ALDH5A1: variants seen among roughly 807,000 people sequenced by gnomAD.
ALDH5A1 encodes aldehyde dehydrogenase 5 family member A1, also known as succinate-semialdehyde dehydrogenase, mitochondrial.
Under a neutral mutation model 54.7 loss-of-function variants are expected in ALDH5A1, and 33 were observed. The observed-to-expected ratio is 0.60, with a 90% CI of 0.46 to 0.81. The LOEUF is 0.81. Among genes scored for constraint, ALDH5A1 ranks in the 30% least tolerant of loss-of-function variants. ALDH5A1 has a pLI of 0.00. For synonymous variants in ALDH5A1, 294 were observed against 292.7 expected (o/e 1.00, Z -0.05); for missense variants, 657 against 711.0 (o/e 0.92, Z 0.86).
intron 4 of ALDH5A1, among the ~76,000 whole-genome samples, chr6:24,508,128 G>A (rs1172673000): frequency 6.6e-6 from 1 of 151,944 alleles, no homozygotes; most frequent in Non-Finnish European, 1.5e-5. Flanking sequence ...ACTTTGAGAG[G>A]CTGAGGCGGG....
At chr6:24,497,593 T>A (rs935430579) in intron 1 of ALDH5A1, among the ~76,000 whole-genome samples, 1 of 152,196 alleles carries the variant, frequency 6.6e-6, no homozygotes, top group African/African-American at 2.4e-5. Flanking sequence ...AAGTCCCCAC[T>A]CGACCCAGGA....
chr6:24,496,740 C>CTG (rs1764714558), intron 1 of ALDH5A1, among the ~76,000 whole-genome samples: 1 of 152,146 alleles, frequency 6.6e-6, no homozygotes, highest in South Asian at 2.1e-4. Flanking sequence ...GGTCTTTCCT[C>CTG]TGTGTGTATA....
Position 24,527,988 on chromosome 6 carries a change from A to G in ALDH5A1, c.1174-9A>G. 1 of 1,613,804 alleles carries G rather than the reference A, an allele frequency of 6.2e-7. No individual in the cohort carries two copies. The highest frequency in any genetic ancestry group is 8.5e-7 in the Non-Finnish European group (1 of 1,179,836). The stretch of plus-strand genomic sequence containing the variant: ...ATGTGGAAAGCTTTTTTTCTTCCTC[A>G]TTACACAGGTGGAGAAACAGGTGAA... On this transcript the variant is annotated splice_polypyrimidine_tract_variant and intron_variant, in intron 7 of 9. Coordinates refer to ENST00000357578, the MANE Select transcript of ALDH5A1 (RefSeq NM_001080.3).
intron 1 of ALDH5A1, among the ~76,000 whole-genome samples, chr6:24,501,558 A>T (rs2127381771): frequency 6.6e-6 from 1 of 152,034 alleles, no homozygotes; most frequent in East Asian, 1.9e-4. Flanking sequence ...GAGTTAAAAA[A>T]ATAGCTGAGC....
Position 24,534,031 on chromosome 6 carries a change from G to T in ALDH5A1, c.*319G>T, listed in dbSNP as rs949610988. 33 of 342,050 alleles carry T rather than the reference G, an allele frequency of 9.6e-5. No homozygotes were observed. In the Admixed American group the frequency reaches 1.1e-3, roughly 12 times the overall value. 21.2% of individuals were successfully genotyped at this position (342,050 alleles called of 1,614,324 possible). A position where few individuals can be genotyped will look rare whatever the true frequency, so the allele number is the denominator to read the frequency against. ...CAAGGCAGGCCCAGCCCCATGGGCC[G>T]TCACAAAGGCTTGATCACTGCCTGG... On this transcript the variant is annotated 3_prime_UTR_variant, in exon 10 of 10. Coordinates refer to ENST00000357578, the MANE Select transcript of ALDH5A1 (RefSeq NM_001080.3).
chr6:24,514,236 C>A (rs1216282268), intron 4 of ALDH5A1, among the ~76,000 whole-genome samples: 5 of 152,174 alleles, frequency 3.3e-5, no homozygotes, highest in African/African-American at 1.2e-4. Flanking sequence ...TCTTCATCAT[C>A]CCCCTGGGAA....
chr6:24,525,603 G>T (rs1759784379), intron 7 of ALDH5A1, among the ~76,000 whole-genome samples: 1 of 152,028 alleles, frequency 6.6e-6, no homozygotes, highest in Non-Finnish European at 1.5e-5. Flanking sequence ...AGCTACTCAG[G>T]AGGCGGGGGC....
intron 1 of ALDH5A1, among the ~76,000 whole-genome samples, chr6:24,495,931 A>G (rs747179635): frequency 7.9e-5 from 12 of 152,338 alleles, no homozygotes; most frequent in African/African-American, 2.9e-4. Context: ...AAATGCTGCT[A>G]TTGGCCATTG....
intron 5 of ALDH5A1, among the ~76,000 whole-genome samples, chr6:24,516,592 C>T (rs1190900531): frequency 6.6e-6 from 1 of 151,934 alleles, no homozygotes; most frequent in Non-Finnish European, 1.5e-5. Context: ...TAGATATACA[C>T]ATATATGTAT....
intron 1 of ALDH5A1, among the ~76,000 whole-genome samples, chr6:24,500,948 A>G (rs1764808430): frequency 6.6e-6 from 1 of 152,160 alleles, no homozygotes. Flanking sequence ...GTTAGCATGA[A>G]AAGTCTGTAT....
chr6:24,495,462 TC>T, intron 1 of ALDH5A1, 112 bp downstream of exon 1: 1 of 1,043,356 alleles, frequency 9.6e-7, no homozygotes, highest in South Asian at 1.6e-5. Flanking sequence ...TGTGCTCAGT[TC>T]CCCAGGGTAT....
intron 1 of ALDH5A1, 80 bp downstream of exon 1, chr6:24,495,430 A>T: frequency 8.7e-6 from 12 of 1,387,226 alleles, no homozygotes; most frequent in Non-Finnish European, 1.2e-5. Flanking sequence ...CCAAAGTGAC[A>T]CCAGCCGCGT....
chr6:24,518,169 T>G lies in ALDH5A1; in HGVS notation c.871-2232T>G, dbSNP rs552570048. On this transcript the variant is annotated intron_variant, in intron 5 of 9. Transcript: ENST00000357578. The surrounding 1 kb of genome is among the most constrained non-coding windows in gnomAD (Gnocchi z 4.2). ...AGAGAGCTGTTTTGCTTTCTGTTTC[T>G]TTCTCTTTCTTTTGCCTATTAAACT... is the stretch of plus-strand genomic sequence containing the variant. Among the ~76,000 whole-genome samples, 1 of 152,226 alleles carries G rather than the reference T, an allele frequency of 6.6e-6. No homozygotes were observed. The highest frequency in any genetic ancestry group is 1.5e-5 in the Non-Finnish European group (1 of 68,036).
At chr6:24,511,583 G>A (rs747304072) in intron 4 of ALDH5A1, among the ~76,000 whole-genome samples, 13 of 151,966 alleles carry the variant, frequency 8.6e-5, no homozygotes, top group Non-Finnish European at 1.3e-4. Context: ...GAGCTTTGAC[G>A]TTCTTTCTTC....
intron 6 of ALDH5A1, 147 bp from the exon 7 acceptor site, chr6:24,522,620 C>T (rs1393704744): frequency 5.5e-6 from 5 of 906,610 alleles, no homozygotes; most frequent in Non-Finnish European, 8.8e-6. Flanking sequence ...TGGGGCCAAG[C>T]CCACGTGAGG....
intron 5 of ALDH5A1, among the ~76,000 whole-genome samples, chr6:24,516,209 G>C (rs1759567847): frequency 6.6e-6 from 1 of 151,946 alleles, no homozygotes; most frequent in Non-Finnish European, 1.5e-5. Flanking sequence ...GGCCGAGGCA[G>C]GCGGATCACA....
At chr6:24,522,646 T>A in intron 6 of ALDH5A1, 121 bp from the exon 7 acceptor site, 2 of 1,221,900 alleles carry the variant, frequency 1.6e-6, no homozygotes, top group Non-Finnish European at 2.4e-6. Context: ...AATGGCAGTT[T>A]GAGCACATGA....
In ALDH5A1 at chr6:24,522,501, G is replaced by GTGTGTGTGTGTGTA. The variant is rs1554137632; in HGVS notation, c.1015-263_1015-262insGTGTGTGTGTATGT. On this transcript the variant is annotated intron_variant, in intron 6 of 9. Transcript: ENST00000357578. The stretch of plus-strand genomic sequence containing the variant: ...TTCGTGTGTGTGTGTGTGTGTGTGT[G>GTGTGTGTGTGTGTA]TGTACAGGTGCTTATTGCCAACTAA... 24,390 of 359,956 alleles carry GTGTGTGTGTGTGTA rather than the reference G, an allele frequency of 0.068. 1,763 individuals are homozygous for GTGTGTGTGTGTGTA. Among genetic ancestry groups the GTGTGTGTGTGTGTA allele is most frequent in the African/African-American group, 0.093 (4,343 of 46,530 alleles). 22.3% of individuals were successfully genotyped at this position (359,956 alleles called of 1,614,324 possible). A position where few individuals can be genotyped will look rare whatever the true frequency, so the allele number is the denominator to read the frequency against.
chr6:24,534,335 G>A lies in ALDH5A1; in HGVS notation c.*623G>A, dbSNP rs1401282765. ...ATTCCTGAACCATATTTTAATTGAT[G>A]CCTTTATTGTCCCAAATTTACCACT... is the stretch of plus-strand genomic sequence containing the variant. On this transcript the variant is annotated 3_prime_UTR_variant, in exon 10 of 10. Transcript: ENST00000357578. The A allele has an allele frequency of 1.3e-5, 2 of 152,848 alleles. No homozygotes were observed. Among genetic ancestry groups the A allele is most frequent in the East Asian group, 3.8e-4 (2 of 5,210 alleles). The allele number at this position is 152,848 out of a possible 1,614,324, so 9.5% of individuals were successfully genotyped here. A position where few individuals can be genotyped will look rare whatever the true frequency, so the allele number is the denominator to read the frequency against.
Sources: gnomAD v4.1 joint callset for allele counts (sites outside exome capture counted in the v4.1 genomes callset) on GRCh38, gnomAD v4.1.1 for gene constraint, Gnocchi (gnomAD v3.1) non-coding constraint, MANE v1.5 for transcripts, NCBI Gene and HGNC (gene_info 2026-07-23, HGNC 2026-07-21) for gene names.